The following LRRC4C variants were observed in gnomAD, a reference collection of about 807,000 sequenced individuals.
LRRC4C encodes leucine-rich repeat-containing protein 4C.
In LRRC4C, 5 loss-of-function variants were observed where a neutral mutation model predicts 33.6. The ratio of observed to expected loss-of-function variants is 0.15; its 90% confidence interval spans 0.08 to 0.31. The LOEUF (loss-of-function observed/expected upper bound fraction) is 0.31. LRRC4C is among the 10% of genes least tolerant of loss of function. The pLI, the probability that LRRC4C is intolerant of heterozygous loss-of-function variation, is 1.00. For missense variants in LRRC4C, 560 were observed against 796.7 expected, an observed-to-expected ratio of 0.70 and a Z score of 3.58; for synonymous variants, 329 against 302.0, an observed-to-expected ratio of 1.09 and a Z score of -0.93.
chr11:40,583,282 T>A (rs1464090796), intron 3 of LRRC4C, among the ~76,000 whole-genome samples: 3 of 152,150 alleles, frequency 2.0e-5, no homozygotes, highest in African/African-American at 7.2e-5. Flanking sequence ...CACTCTTCAC[T>A]TTTCCCCCTC....
intron 2 of LRRC4C, among the ~76,000 whole-genome samples, chr11:40,872,976 G>A (rs1417088813): frequency 6.6e-6 from 1 of 152,056 alleles, no homozygotes; most frequent in Non-Finnish European, 1.5e-5. Context: ...TTTGCTGTAA[G>A]TTAAACTTTC....
chr11:40,379,442 A>C (rs1391059218), intron 3 of LRRC4C, among the ~76,000 whole-genome samples: 2 of 152,204 alleles, frequency 1.3e-5, no homozygotes, highest in African/African-American at 2.4e-5. Context: ...ATTCAAACTG[A>C]AATTAGTTTT....
At chr11:41,367,346 G>A (rs558734227) in intron 1 of LRRC4C, among the ~76,000 whole-genome samples, 6 of 152,064 alleles carry the variant, frequency 3.9e-5, no homozygotes, top group South Asian at 4.2e-4. Flanking sequence ...GTAATCTCAC[G>A]GCCTTCTTCT....
At chr11:41,195,210 T>C (rs1946130673) in intron 1 of LRRC4C, among the ~76,000 whole-genome samples, 1 of 152,132 alleles carries the variant, frequency 6.6e-6, no homozygotes, top group African/African-American at 2.4e-5. Flanking sequence ...ACACACTGTG[T>C]GTGCATGCCC....
intron 1 of LRRC4C, among the ~76,000 whole-genome samples, chr11:41,307,858 G>T (rs1950545957): frequency 6.6e-6 from 1 of 152,148 alleles, no homozygotes; most frequent in African/African-American, 2.4e-5. Flanking sequence ...GGATTAAAAA[G>T]GTGAAGTGAA....
At chr11:40,120,927 C>A (rs543604672) in intron 6 of LRRC4C, among the ~76,000 whole-genome samples, 34 of 152,278 alleles carry the variant, frequency 2.2e-4, no homozygotes, top group African/African-American at 7.7e-4. Flanking sequence ...CTTTCCCCAT[C>A]TGTGAAAGAA....
intron 2 of LRRC4C, among the ~76,000 whole-genome samples, chr11:40,924,406 C>T (rs1021733088): frequency 6.7e-6 from 1 of 150,212 alleles, no homozygotes; most frequent in Admixed American, 6.7e-5. Context: ...TGAAATGTAG[C>T]AAAAGCTAAA....
In LRRC4C at chr11:41,063,224, T is replaced by G. The variant is rs534910810; in HGVS notation, c.-495-129501A>C. On this transcript the variant is annotated intron_variant, in intron 1 of 6. Transcript: ENST00000528697. ...TTTCCCATTTAGCATGAGAGAAAAC[T>G]ATACCTTTATTATTTATTAAGAAAC... is the stretch of plus-strand genomic sequence containing the variant. Among the ~76,000 whole-genome samples the G allele has an allele frequency of 9.8e-5, 15 of 152,322 alleles. 2 individuals carry two copies. The South Asian group carries it at 3.1e-3, about 32-fold the overall frequency.
intron 3 of LRRC4C, among the ~76,000 whole-genome samples, chr11:40,456,995 G>A (rs750344598): frequency 3.3e-5 from 5 of 150,402 alleles, no homozygotes; most frequent in East Asian, 2.0e-4. Flanking sequence ...ACTGTCCTTC[G>A]AAATGCAAAG....
intron 2 of LRRC4C, among the ~76,000 whole-genome samples, chr11:40,927,654 T>C (rs60968675): frequency 0.049 from 7,504 of 152,238 alleles, 337 homozygotes; most frequent in East Asian, 0.23. Context: ...TACTCTATAG[T>C]TGGTTGATTT....
chr11:40,365,492 C>A (rs1478760688), intron 3 of LRRC4C, among the ~76,000 whole-genome samples: 10 of 151,974 alleles, frequency 6.6e-5, no homozygotes, highest in Admixed American at 3.9e-4. Context: ...TGTGATACAT[C>A]ATCCTACCTG....
chr11:41,225,762 C>T (rs1437176869), intron 1 of LRRC4C, among the ~76,000 whole-genome samples: 1 of 151,966 alleles, frequency 6.6e-6, no homozygotes, highest in Non-Finnish European at 1.5e-5. Flanking sequence ...AGATGGTCCC[C>T]AACAAATTGG....
At chr11:40,138,126 A>G (rs879434705) in intron 6 of LRRC4C, among the ~76,000 whole-genome samples, 2 of 151,998 alleles carry the variant, frequency 1.3e-5, no homozygotes, top group Non-Finnish European at 2.9e-5. Context: ...TACTGTGTAG[A>G]CATATCTTCT....
At chr11:41,097,563 C>A (rs1030951425) in intron 1 of LRRC4C, among the ~76,000 whole-genome samples, 1 of 151,950 alleles carries the variant, frequency 6.6e-6, no homozygotes. Context: ...TATGGAGAAA[C>A]CATTGAAGAA....
intron 3 of LRRC4C, among the ~76,000 whole-genome samples, chr11:40,611,724 C>CA (rs1565558163): frequency 6.6e-6 from 1 of 151,490 alleles, no homozygotes; most frequent in Non-Finnish European, 1.5e-5. Context: ...AGACCTTTCT[C>CA]AAAAAAAGAC....
intron 2 of LRRC4C, among the ~76,000 whole-genome samples, chr11:40,863,666 G>A (rs770434930): frequency 6.6e-6 from 1 of 152,110 alleles, no homozygotes; most frequent in African/African-American, 2.4e-5. Flanking sequence ...AAGATAAGGA[G>A]GAAATTAAAA....
Position 41,266,852 on chromosome 11 carries a change from C to A in LRRC4C, c.-496+192579G>T, listed in dbSNP as rs2136791679. ...GATCTAATTTAGGCAAGTGCACAACCAAATGATAAATGATTGATATGAAAT... is the reference window on the plus strand; with the variant it reads ...GATCTAATTTAGGCAAGTGCACAACAAAATGATAAATGATTGATATGAAAT... On this transcript the variant is annotated intron_variant, in intron 1 of 6. Coordinates refer to ENST00000528697, the MANE Select transcript of LRRC4C (RefSeq NM_001258419.2). Among the ~76,000 whole-genome samples the A allele has an allele frequency of 1.3e-5, 2 of 152,158 alleles. 1 individual carries two copies. The highest frequency in any genetic ancestry group is 3.9e-4 in the East Asian group (2 of 5,150).
chr11:41,311,489 G>A (rs1408425348), intron 1 of LRRC4C, among the ~76,000 whole-genome samples: 7 of 152,066 alleles, frequency 4.6e-5, no homozygotes, highest in Non-Finnish European at 1.0e-4. Flanking sequence ...TACTTATAAA[G>A]ATAAATCTAA....
At chr11:40,546,336 C>T (rs1158220463) in intron 3 of LRRC4C, among the ~76,000 whole-genome samples, 1 of 151,948 alleles carries the variant, frequency 6.6e-6, no homozygotes. Flanking sequence ...GAATCTCTAC[C>T]AGATACTATG....
Sources: gnomAD v4.1 joint callset for allele counts (sites outside exome capture counted in the v4.1 genomes callset) on GRCh38, gnomAD v4.1.1 for gene constraint, MANE v1.5 for transcripts, NCBI Gene and HGNC (gene_info 2026-07-23, HGNC 2026-07-21) for gene names.